STARD9: variants seen among roughly 807,000 people sequenced by gnomAD.
STARD9 encodes the protein StAR related lipid transfer domain containing 9, also known as stAR-related lipid transfer protein 9.
A neutral mutation model predicts 399.8 loss-of-function variants in STARD9; 346 were observed. The observed-to-expected ratio is 0.87, with a 90% CI of 0.79 to 0.95. The LOEUF (loss-of-function observed/expected upper bound fraction) is 0.95. STARD9 is among the 40% of genes least tolerant of loss of function. The pLI, the probability that STARD9 is intolerant of heterozygous loss-of-function variation, is 0.00. For synonymous variants in STARD9, 2,203 were observed against 2,143.5 expected, an observed-to-expected ratio of 1.03 and a Z score of -0.77; for missense variants, 5,832 against 5,667.5, an observed-to-expected ratio of 1.03 and a Z score of -0.93.
At chr15:42,608,181 C>T (rs2058775155) in intron 3 of STARD9, among the ~76,000 whole-genome samples, 3 of 152,078 alleles carry the variant, frequency 2.0e-5, no homozygotes, top group Admixed American at 6.6e-5. Flanking sequence ...GTGCCACAGA[C>T]GAGTGTGGTT....
chr15:42,600,236 TTGAGTCCAGCCTATA>T (rs2058594451), intron 3 of STARD9, among the ~76,000 whole-genome samples: 1 of 152,168 alleles, frequency 6.6e-6, no homozygotes, highest in South Asian at 2.1e-4. Context: ...GGATACTTAG[TTGAGTCCAGCCTATA>T]TAGGACATGT....
chr15:42,656,327 T>TA (rs869264641), intron 9 of STARD9, among the ~76,000 whole-genome samples: 1,681 of 35,320 alleles, frequency 0.048, 486 homozygotes, highest in Non-Finnish European at 0.068. Context: ...AGCCATCTCC[T>TA]AAAAAAAAAA....
chr15:42,610,020 G>A (rs2141804889), intron 3 of STARD9, among the ~76,000 whole-genome samples: 1 of 152,202 alleles, frequency 6.6e-6, no homozygotes, highest in East Asian at 1.9e-4. Context: ...TTGAACGCAG[G>A]AGGTGGAGGT....
At position 42,691,503 on chromosome 15, in the gene STARD9, AC is replaced by A; in HGVS notation, c.9926del (p.Thr3309IlefsTer30). The A allele has an allele frequency of 6.5e-7, 1 of 1,537,246 alleles. No homozygotes were observed. Among genetic ancestry groups the A allele is most frequent in the Non-Finnish European group, 8.7e-7 (1 of 1,146,908 alleles). On this transcript the variant is annotated frameshift_variant, in exon 23 of 33. Coordinates refer to ENST00000290607, the MANE Select transcript of STARD9 (RefSeq NM_020759.3). LOFTEE classifies it high-confidence loss of function. The stretch of plus-strand genomic sequence containing the variant: ...CAACCACAGGGGCTCACTTCCTGTG[AC>A]TACAATCTTCTCTGGCCCCAAACAC... ...APNHRGSLPVTTIFSGPKHSR... is the reference protein window; with the variant it reads ...APNHRGSLPVXTIFSGPKHSR...
At chr15:42,645,958 G>A (rs1218528019) in intron 7 of STARD9, among the ~76,000 whole-genome samples, 5 of 151,924 alleles carry the variant, frequency 3.3e-5, no homozygotes, top group Admixed American at 6.6e-5. Context: ...TCAGGAGTTC[G>A]AGACCAGCCT....
chr15:42,662,932 G>A (rs2060018414), intron 11 of STARD9, 41 bp downstream of exon 11: 1 of 1,347,344 alleles, frequency 7.4e-7, no homozygotes, highest in Admixed American at 2.0e-5. Flanking sequence ...GGAGAGTTCG[G>A]AAAATAACTC....
At chr15:42,612,968 A>G (rs1047251035) in intron 3 of STARD9, among the ~76,000 whole-genome samples, 2 of 145,554 alleles carry the variant, frequency 1.4e-5, no homozygotes, top group Admixed American at 7.1e-5. Flanking sequence ...TGGGCAACAG[A>G]GCGAGACTAT....
At chr15:42,600,526 CT>C (rs796979908) in intron 3 of STARD9, among the ~76,000 whole-genome samples, 2,851 of 139,412 alleles carry the variant, frequency 0.02, 77 homozygotes, top group African/African-American at 0.063. Context: ...TTCTTTCTTT[CT>C]TTTTTTTTTT....
Position 42,686,520 on chromosome 15 carries a change from G to T in STARD9, c.4942G>T (p.Asp1648Tyr). The change falls in exon 23 of 33, where the codon GAT becomes TAT. Residue 1648 changes from aspartate to tyrosine, a missense_variant. Physicochemically the swap from Asp to Tyr is radical, Grantham distance 160 (BLOSUM62 -3). Coordinates refer to ENST00000290607, the MANE Select transcript of STARD9 (RefSeq NM_020759.3). ...KPGLMTSSDE[D>Y]FFQKNACHSN... The stretch of plus-strand genomic sequence containing the variant: ...TGGACTGATGACTTCCTCTGATGAG[G>T]ATTTTTTCCAGAAGAACGCTTGTCA... 2 of 1,537,702 alleles carry T rather than the reference G, an allele frequency of 1.3e-6. No homozygotes were observed. The highest frequency in any genetic ancestry group is 1.4e-5 in the African/African-American group (1 of 73,162).
intron 3 of STARD9, among the ~76,000 whole-genome samples, chr15:42,596,238 C>G (rs115595492): frequency 0.012 from 1,858 of 152,218 alleles, 50 homozygotes; most frequent in African/African-American, 0.043. Context: ...CCAAGGGCAG[C>G]CTAAGCATAA....
At chr15:42,664,286 C>T (rs944985985) in intron 13 of STARD9, among the ~76,000 whole-genome samples, 1 of 152,200 alleles carries the variant, frequency 6.6e-6, no homozygotes, top group Admixed American at 6.5e-5. Flanking sequence ...TAATGGCTCA[C>T]TCTAAGAAAG....
At position 42,684,341 on chromosome 15, in the gene STARD9, C is replaced by T. The variant is rs895589830; in HGVS notation, c.2763C>T (p.Cys921=). 2 of 1,536,312 alleles carry T rather than the reference C, an allele frequency of 1.3e-6. No individual in the cohort carries two copies. The highest frequency in any genetic ancestry group is 1.2e-5 in the South Asian group (1 of 83,972). The change falls in exon 23 of 33, where the codon TGC becomes TGT. Residue 921 remains cysteine (C), a synonymous_variant. Transcript: ENST00000290607. ...AGGGAGCCTCAGCTCCAGACGCTTG[C>T]CTCACCATGAGTCCCAACTCTGTTG... The part of the protein sequence containing the change: ...ARKGASAPDA[C]LTMSPNSVGI...
intron 8 of STARD9, among the ~76,000 whole-genome samples, chr15:42,651,972 C>A (rs1555397539): frequency 1.3e-5 from 2 of 152,182 alleles, no homozygotes; most frequent in Non-Finnish European, 2.9e-5. Flanking sequence ...CTAAGGGAGA[C>A]TGTGAATTCC....
intron 26 of STARD9, among the ~76,000 whole-genome samples, chr15:42,696,274 C>A (rs970008407): frequency 3.9e-5 from 6 of 152,180 alleles, no homozygotes; most frequent in Non-Finnish European, 1.5e-5. Flanking sequence ...CATAGAGATA[C>A]TCCGAACAGA....
chr15:42,619,770 C>G (rs956245909), intron 3 of STARD9, among the ~76,000 whole-genome samples: 1 of 152,160 alleles, frequency 6.6e-6, no homozygotes, highest in Non-Finnish European at 1.5e-5. Flanking sequence ...TCACCTCCTG[C>G]TGTGTGGCCT....
intron 26 of STARD9, among the ~76,000 whole-genome samples, chr15:42,714,701 C>T (rs968952376): frequency 2.0e-5 from 3 of 152,194 alleles, no homozygotes; most frequent in African/African-American, 4.8e-5. Flanking sequence ...CGCCCAGCCT[C>T]CCAGGCAACT....
chr15:42,708,582 A>C (rs926512885), intron 26 of STARD9, among the ~76,000 whole-genome samples: 11 of 152,082 alleles, frequency 7.2e-5, no homozygotes, highest in Non-Finnish European at 1.5e-4. Context: ...TGTTGTTATC[A>C]GTTTCTTTTT....
chr15:42,640,818 C>CAAAAA (rs34006967), intron 7 of STARD9, among the ~76,000 whole-genome samples: 13 of 83,548 alleles, frequency 1.6e-4, no homozygotes, highest in Middle Eastern at 8.8e-3. Flanking sequence ...GACTCCGTCT[C>CAAAAA]AAAAAAAAAA....
intron 19 of STARD9, 27 bp downstream of exon 19, chr15:42,675,773 A>C: frequency 1.3e-6 from 2 of 1,535,248 alleles, no homozygotes; most frequent in Non-Finnish European, 1.7e-6. Flanking sequence ...TTTCTAGGTT[A>C]TTGCTGGCCT....
Sources: allele counts gnomAD v4.1 joint callset (sites outside exome capture counted in the v4.1 genomes callset), GRCh38; gene constraint gnomAD v4.1.1; transcripts MANE v1.5; gene names NCBI Gene and HGNC (gene_info 2026-07-23, HGNC 2026-07-21).